Variants in TTC28 observed in about 807,000 individuals in gnomAD.
TTC28 encodes the protein tetratricopeptide repeat domain 28.
TTC28 carries 61 observed loss-of-function variants against 198.0 expected under a neutral mutation model. The observed-to-expected ratio is 0.31, with a 90% confidence interval of 0.25 to 0.38. The LOEUF is 0.38. TTC28 is among the 10% of genes least tolerant of loss of function. The probability of loss-of-function intolerance (pLI) is 1.00; values close to 1 mark genes in which losing one functional copy is unlikely to be tolerated. For missense variants in TTC28, 2,678 were observed against 3,164.0 expected (o/e 0.85, Z 3.69); for synonymous variants, 1,171 against 1,297.8 (o/e 0.90, Z 2.10).
intron 5 of TTC28, among the ~76,000 whole-genome samples, chr22:28,164,265 AT>A (rs1921609241): frequency 6.6e-6 from 1 of 152,216 alleles, no homozygotes. Flanking sequence ...GCAGACTTAA[AT>A]GTCCCTGTCT....
chr22:28,408,668 C>T (rs879757977), intron 2 of TTC28, among the ~76,000 whole-genome samples: 6 of 152,204 alleles, frequency 3.9e-5, no homozygotes, highest in Admixed American at 2.0e-4. Flanking sequence ...GGATTACAGG[C>T]GTAAGCCACT....
At chr22:27,994,166 A>T (rs1937509012) in intron 17 of TTC28, among the ~76,000 whole-genome samples, 1 of 152,192 alleles carries the variant, frequency 6.6e-6, no homozygotes, top group Admixed American at 6.5e-5. Flanking sequence ...GGCAGCTGAG[A>T]GGCGTGGTGG....
intron 2 of TTC28, among the ~76,000 whole-genome samples, chr22:28,481,741 C>T (rs1173081183): frequency 1.3e-5 from 2 of 152,126 alleles, no homozygotes; most frequent in Non-Finnish European, 1.5e-5. Context: ...TATTGTTCTC[C>T]TCCTTCATTC....
At chr22:28,023,457 C>T (rs933870793) in intron 13 of TTC28, among the ~76,000 whole-genome samples, 1 of 152,224 alleles carries the variant, frequency 6.6e-6, no homozygotes, top group African/African-American at 2.4e-5. Context: ...TTCTCAAGTG[C>T]TCAGGGATGG....
At chr22:28,479,806 T>C (rs994944756) in intron 2 of TTC28, among the ~76,000 whole-genome samples, 3 of 152,288 alleles carry the variant, frequency 2.0e-5, no homozygotes, top group Non-Finnish European at 4.4e-5. Flanking sequence ...CTACCATGAA[T>C]TCTCAATTTA....
At chr22:28,465,837 TA>T (rs2048012175) in intron 2 of TTC28, among the ~76,000 whole-genome samples, 1 of 152,168 alleles carries the variant, frequency 6.6e-6, no homozygotes, top group Non-Finnish European at 1.5e-5. Flanking sequence ...CTTCGACATA[TA>T]ACTTTCAATT....
At chr22:28,602,202 G>A (rs979587986) in intron 2 of TTC28, among the ~76,000 whole-genome samples, 1 of 152,172 alleles carries the variant, frequency 6.6e-6, no homozygotes, top group Non-Finnish European at 1.5e-5. Flanking sequence ...GAACCCAAGA[G>A]TGGTCAAAAT....
intron 5 of TTC28, among the ~76,000 whole-genome samples, chr22:28,247,622 T>C (rs1177611333): frequency 2.6e-5 from 4 of 152,092 alleles, no homozygotes; most frequent in Admixed American, 6.6e-5. Flanking sequence ...AAGCCCAGAC[T>C]GGGGGAAGAG....
intron 2 of TTC28, among the ~76,000 whole-genome samples, chr22:28,440,114 G>A (rs907833281): frequency 3.3e-5 from 5 of 152,198 alleles, no homozygotes; most frequent in African/African-American, 1.2e-4. Context: ...GGGATTACAG[G>A]CGTGAGCCAT....
chr22:28,576,361 T>C (rs1447315928), intron 2 of TTC28, among the ~76,000 whole-genome samples: 1 of 152,136 alleles, frequency 6.6e-6, no homozygotes. Context: ...ATCTTTTTAA[T>C]GTGTTGTTGC....
intron 5 of TTC28, among the ~76,000 whole-genome samples, chr22:28,193,822 C>T (rs1925127293): frequency 6.6e-6 from 1 of 152,040 alleles, no homozygotes; most frequent in African/African-American, 2.4e-5. Flanking sequence ...ACTTAGACTC[C>T]CACGCAAGAA....
chr22:28,348,730 C>A (rs2045947218), intron 2 of TTC28, among the ~76,000 whole-genome samples: 1 of 152,202 alleles, frequency 6.6e-6, no homozygotes, highest in Non-Finnish European at 1.5e-5. Context: ...GGCTTCTGAT[C>A]CCATACTCCC....
Position 28,001,391 on chromosome 22 carries a change from G to A in TTC28, c.4381C>T (p.Leu1461Phe), listed in dbSNP as rs1387599907. 1.4e-5 allele frequency: 21 copies of A among 1,550,882 alleles called. No homozygotes were observed. In the Admixed American group the frequency reaches 3.1e-4, roughly 23 times the overall value. ...GLLAVPSIRS[L>F]SVQSKSHLRK... ...AGCCTTACCTTGGACTGCACGCTGAGGGAGCGGATGGAAGGGACAGCAAGG... is the reference window on the plus strand; with the variant it reads ...AGCCTTACCTTGGACTGCACGCTGAAGGAGCGGATGGAAGGGACAGCAAGG... Residue 1461 changes from leucine to phenylalanine, a missense_variant, in exon 15 of 23, where the codon CTC becomes TTC. Physicochemically the swap from Leu to Phe is conservative, Grantham distance 22. This residue lies in a region of TTC28 where 727 missense variants were observed against 861.9 expected (regional missense o/e 0.84). Coordinates refer to ENST00000397906, the MANE Select transcript of TTC28 (RefSeq NM_001145418.2).
intron 1 of TTC28, among the ~76,000 whole-genome samples, chr22:28,641,194 C>T (rs746313330): frequency 3.3e-5 from 5 of 151,874 alleles, no homozygotes; most frequent in Admixed American, 2.0e-4. Flanking sequence ...CGTGGTGGCG[C>T]GTGCCTGTAG....
chr22:28,519,106 C>G (rs987690703), intron 2 of TTC28, among the ~76,000 whole-genome samples: 1 of 152,054 alleles, frequency 6.6e-6, no homozygotes, highest in South Asian at 2.1e-4. Flanking sequence ...TCAAAGAGAG[C>G]AGGGAGAAGT....
At chr22:28,595,977 G>C (rs903691039) in intron 2 of TTC28, among the ~76,000 whole-genome samples, 1 of 152,074 alleles carries the variant, frequency 6.6e-6, no homozygotes, top group African/African-American at 2.4e-5. Context: ...ATATGGTGGT[G>C]AATCAGAAAG....
chr22:28,507,596 C>A (rs978507404), intron 2 of TTC28, among the ~76,000 whole-genome samples: 2 of 152,066 alleles, frequency 1.3e-5, no homozygotes, highest in African/African-American at 4.8e-5. Context: ...AACCCCAAGA[C>A]ATATAATCAT....
chr22:28,572,884 T>TA (rs907768152), intron 2 of TTC28, among the ~76,000 whole-genome samples: 21 of 152,204 alleles, frequency 1.4e-4, no homozygotes, highest in African/African-American at 5.1e-4. Flanking sequence ...TGCAGTGGCT[T>TA]ACACCTGTAA....
At chr22:28,308,350 AAAACT>A (rs1207289816) in intron 2 of TTC28, among the ~76,000 whole-genome samples, 2 of 152,220 alleles carry the variant, frequency 1.3e-5, no homozygotes, top group African/African-American at 2.4e-5. Context: ...ATGCTATATT[AAAACT>A]AAACTAAAAA....
Sources: gnomAD v4.1 joint callset for allele counts (sites outside exome capture counted in the v4.1 genomes callset) on GRCh38, gnomAD v4.1.1 for gene constraint, gnomAD v4.1.1 regional missense constraint, MANE v1.5 for transcripts, NCBI Gene and HGNC (gene_info 2026-07-23, HGNC 2026-07-21) for gene names.